SPOCK3: variants seen among roughly 807,000 people sequenced by gnomAD.
SPOCK3 encodes the protein testican-3.
A neutral mutation model predicts 56.6 loss-of-function variants in SPOCK3; 30 were observed. The observed-to-expected ratio is 0.53, with a 90% CI of 0.40 to 0.72. SPOCK3 has a LOEUF of 0.72. Ranked by LOEUF, SPOCK3 falls within the 30% of genes least tolerant of loss-of-function variation. The probability of loss-of-function intolerance (pLI) is 0.00; values close to 1 mark genes in which losing one functional copy is unlikely to be tolerated. For synonymous variants in SPOCK3, 196 were observed against 183.3 expected (o/e 1.07, Z -0.56); for missense variants, 527 against 530.0 (o/e 0.99, Z 0.06).
chr4:167,047,078 C>T (rs1291512274), intron 3 of SPOCK3, among the ~76,000 whole-genome samples: 1 of 152,142 alleles, frequency 6.6e-6, no homozygotes. Context: ...CATATTAACT[C>T]TCACAAAACA....
intron 4 of SPOCK3, among the ~76,000 whole-genome samples, chr4:166,934,969 A>G (rs2150004339): frequency 6.6e-6 from 1 of 152,318 alleles, no homozygotes. Flanking sequence ...AATTCCAATT[A>G]GAGGAAACTG....
At chr4:166,767,129 C>CA (rs1391990093) in intron 7 of SPOCK3, among the ~76,000 whole-genome samples, 2 of 151,886 alleles carry the variant, frequency 1.3e-5, no homozygotes, top group African/African-American at 2.4e-5. Flanking sequence ...TTGATCTTTT[C>CA]AAAAAACCAG....
intron 5 of SPOCK3, among the ~76,000 whole-genome samples, chr4:166,907,346 C>G (rs914015405): frequency 6.6e-6 from 1 of 151,948 alleles, no homozygotes; most frequent in Non-Finnish European, 1.5e-5. Flanking sequence ...AGCAATGTAC[C>G]CTGTGTTCTC....
chr4:166,916,425 A>G (rs1737857827), intron 4 of SPOCK3, among the ~76,000 whole-genome samples: 2 of 152,138 alleles, frequency 1.3e-5, no homozygotes, highest in Admixed American at 1.3e-4. Context: ...AGTCTTCAAT[A>G]TGTCTCTAGC....
At chr4:167,224,012 A>C (rs894493554) in intron 2 of SPOCK3, among the ~76,000 whole-genome samples, 7 of 152,126 alleles carry the variant, frequency 4.6e-5, no homozygotes, top group African/African-American at 1.7e-4. Flanking sequence ...CCCTATTCAT[A>C]TATAAAATAC....
At chr4:167,108,653 G>A (rs1008275941) in intron 2 of SPOCK3, among the ~76,000 whole-genome samples, 6 of 151,618 alleles carry the variant, frequency 4.0e-5, no homozygotes, top group Non-Finnish European at 7.4e-5. Context: ...GTTACTAGAT[G>A]CTGGGAAGCA....
At chr4:166,967,078 C>G (rs1376079195) in intron 4 of SPOCK3, among the ~76,000 whole-genome samples, 7 of 152,128 alleles carry the variant, frequency 4.6e-5, no homozygotes, top group African/African-American at 7.2e-5. Context: ...GTGAGAACTA[C>G]CCCATGCTGA....
At chr4:167,044,825 G>A (rs1753570074) in intron 3 of SPOCK3, among the ~76,000 whole-genome samples, 1 of 152,036 alleles carries the variant, frequency 6.6e-6, no homozygotes, top group Non-Finnish European at 1.5e-5. Context: ...TGTGTTTTAT[G>A]TCACAGCATG....
At chr4:166,837,757 A>G (rs1746783716) in intron 6 of SPOCK3, among the ~76,000 whole-genome samples, 3 of 152,136 alleles carry the variant, frequency 2.0e-5, no homozygotes, top group Admixed American at 6.5e-5. Flanking sequence ...ACTTTTTTGT[A>G]CCATGTCCTT....
At chr4:166,753,727 A>T (rs1736713845) in intron 8 of SPOCK3, among the ~76,000 whole-genome samples, 1 of 152,032 alleles carries the variant, frequency 6.6e-6, no homozygotes, top group Non-Finnish European at 1.5e-5. Flanking sequence ...ATTAATTCCC[A>T]GGGTATTTTC....
At chr4:167,039,762 A>G (rs928843249) in intron 3 of SPOCK3, among the ~76,000 whole-genome samples, 1 of 152,174 alleles carries the variant, frequency 6.6e-6, no homozygotes, top group African/African-American at 2.4e-5. Flanking sequence ...TCGGAATAAA[A>G]GGTGTTATCT....
chr4:167,068,279 T>C (rs1756353765), intron 2 of SPOCK3, among the ~76,000 whole-genome samples: 1 of 55,122 alleles, frequency 1.8e-5, no homozygotes, highest in Admixed American at 2.5e-4. Flanking sequence ...ACTTGAACCC[T>C]ATATCTACCA....
intron 2 of SPOCK3, among the ~76,000 whole-genome samples, chr4:167,180,620 A>T (rs1027685828): frequency 2.0e-5 from 3 of 152,192 alleles, no homozygotes; most frequent in African/African-American, 7.2e-5. Flanking sequence ...GTGATATTGC[A>T]GCATTTATAT....
intron 2 of SPOCK3, among the ~76,000 whole-genome samples, chr4:167,224,351 C>T (rs1430064243): frequency 2.0e-5 from 3 of 151,990 alleles, no homozygotes; most frequent in Non-Finnish European, 4.4e-5. Context: ...TTTATTTGTC[C>T]TTGCATATTC....
chr4:166,953,744 A>G (rs1743016852), intron 4 of SPOCK3, among the ~76,000 whole-genome samples: 1 of 152,236 alleles, frequency 6.6e-6, no homozygotes, highest in Admixed American at 6.5e-5. Flanking sequence ...ACCATGGAAT[A>G]CTATGCAGCC....
chr4:167,021,071 A>G (rs1751124766), intron 3 of SPOCK3, among the ~76,000 whole-genome samples: 1 of 152,090 alleles, frequency 6.6e-6, no homozygotes, highest in Non-Finnish European at 1.5e-5. Context: ...AAACCGATTG[A>G]TAAAATATTA....
At chr4:167,180,988 A>G (rs1731404381) in intron 2 of SPOCK3, among the ~76,000 whole-genome samples, 1 of 152,194 alleles carries the variant, frequency 6.6e-6, no homozygotes. Flanking sequence ...TATATTGAAT[A>G]GGACCAATCC....
chr4:167,213,367 T>C (rs984048518), intron 2 of SPOCK3, among the ~76,000 whole-genome samples: 8 of 152,230 alleles, frequency 5.3e-5, no homozygotes, highest in Non-Finnish European at 1.2e-4. Flanking sequence ...TTTTTAAATC[T>C]TTTCTGCTAT....
chr4:167,198,598 T>A (rs1733196811), intron 2 of SPOCK3, among the ~76,000 whole-genome samples: 2 of 152,172 alleles, frequency 1.3e-5, no homozygotes, highest in South Asian at 4.1e-4. Flanking sequence ...ATTTAAAAAA[T>A]TAGGAAAGAA....
Sources: gnomAD v4.1 joint callset for allele counts (sites outside exome capture counted in the v4.1 genomes callset) on GRCh38, gnomAD v4.1.1 for gene constraint, MANE v1.5 for transcripts, NCBI Gene and HGNC (gene_info 2026-07-23, HGNC 2026-07-21) for gene names.